Variants in FNDC1 observed in about 807,000 individuals in gnomAD.
The protein encoded by FNDC1 is fibronectin type III domain-containing protein 1.
A neutral mutation model predicts 168.0 loss-of-function variants in FNDC1; 96 were observed. The ratio of observed to expected loss-of-function variants is 0.57; its 90% CI spans 0.48 to 0.68. The LOEUF is 0.68. Ranked by LOEUF, FNDC1 falls within the 30% of genes least tolerant of loss-of-function variation. The pLI, the probability that FNDC1 is intolerant of heterozygous loss-of-function variation, is 0.00. For missense variants in FNDC1, 2,587 were observed against 2,482.1 expected, an observed-to-expected ratio of 1.04 and a Z score of -0.90; for synonymous variants, 1,099 against 1,025.9, an observed-to-expected ratio of 1.07 and a Z score of -1.36.
intron 4 of FNDC1, among the ~76,000 whole-genome samples, chr6:159,204,613 C>T (rs1222226864): frequency 3.9e-5 from 6 of 152,204 alleles, no homozygotes; most frequent in East Asian, 3.9e-4. Context: ...GTCATTTCAG[C>T]GGCCTCACTG....
intron 21 of FNDC1, among the ~76,000 whole-genome samples, chr6:159,267,438 A>G (rs1473354833): frequency 3.3e-5 from 5 of 152,142 alleles, no homozygotes; most frequent in Admixed American, 3.3e-4. Context: ...TTCTATTTGT[A>G]TAGACCTTCC....
chr6:159,172,139 T>A (rs1351617561), intron 1 of FNDC1, among the ~76,000 whole-genome samples: 2 of 152,146 alleles, frequency 1.3e-5, no homozygotes, highest in Admixed American at 1.3e-4. Context: ...TATCTTTGAG[T>A]GTATGTCTTT....
chr6:159,209,489 G>A (rs113702814), intron 4 of FNDC1, among the ~76,000 whole-genome samples: 308 of 152,340 alleles, frequency 2.0e-3, no homozygotes, highest in Non-Finnish European at 3.8e-3. Context: ...CCTTGCACCA[G>A]CATCTGACAG....
chr6:159,211,248 G>A (rs577915315), intron 4 of FNDC1, among the ~76,000 whole-genome samples: 12 of 152,268 alleles, frequency 7.9e-5, no homozygotes, highest in Non-Finnish European at 1.0e-4. Context: ...GTGTCAGATC[G>A]GTCAGTGGGA....
intron 15 of FNDC1, among the ~76,000 whole-genome samples, chr6:159,247,246 T>G (rs1049708729): frequency 6.7e-6 from 1 of 149,234 alleles, no homozygotes; most frequent in Non-Finnish European, 1.5e-5. Context: ...CCACCCTCCT[T>G]GGACCCAAGG....
At chr6:159,178,750 T>G (rs1173058443) in intron 1 of FNDC1, among the ~76,000 whole-genome samples, 2 of 151,942 alleles carry the variant, frequency 1.3e-5, no homozygotes, top group African/African-American at 4.8e-5. Context: ...GTTTTTCTTT[T>G]TTTTTTTTTG....
intron 1 of FNDC1, among the ~76,000 whole-genome samples, chr6:159,180,280 A>G (rs149778398): frequency 1.3e-3 from 204 of 152,282 alleles, no homozygotes; most frequent in African/African-American, 4.2e-3. Flanking sequence ...CTTCTCTTGT[A>G]AAGACACCGG....
At chr6:159,198,949 T>G (rs1216323650) in intron 2 of FNDC1, among the ~76,000 whole-genome samples, 1 of 152,198 alleles carries the variant, frequency 6.6e-6, no homozygotes, top group African/African-American at 2.4e-5. Context: ...GTCACACCAG[T>G]CTTGATCACA....
intron 10 of FNDC1, among the ~76,000 whole-genome samples, chr6:159,230,271 C>T (rs485557): frequency 0.38 from 58,373 of 152,042 alleles, 14,319 homozygotes; most frequent in East Asian, 0.73. Context: ...CATTATTTAA[C>T]TTTAGGCTTG....
chr6:159,208,468 T>A (rs1222956950), intron 4 of FNDC1, among the ~76,000 whole-genome samples: 1 of 152,212 alleles, frequency 6.6e-6, no homozygotes, highest in Non-Finnish European at 1.5e-5. Flanking sequence ...TTAATTCTTG[T>A]GGTCGTGGGA....
At chr6:159,206,460 C>T (rs1562636881) in intron 4 of FNDC1, among the ~76,000 whole-genome samples, 1 of 152,192 alleles carries the variant, frequency 6.6e-6, no homozygotes, top group Non-Finnish European at 1.5e-5. Context: ...GAGCCTGGGG[C>T]AATTGCACAG....
chr6:159,232,784 C>T lies in FNDC1; in HGVS notation c.2272C>T (p.Pro758Ser). The T allele has an allele frequency of 1.2e-6, 2 of 1,613,974 alleles. No individual in the cohort carries two copies. The highest frequency in any genetic ancestry group is 1.7e-6 in the Non-Finnish European group (2 of 1,179,904). Residue 758 changes from proline (P) to serine (S), a missense_variant, in exon 11 of 23, where the codon CCA (proline) becomes TCA (serine). By Grantham distance (74) the Pro-to-Ser change is moderately conservative (BLOSUM62 -1). Coordinates refer to ENST00000297267, the MANE Select transcript of FNDC1 (RefSeq NM_032532.3). The surrounding 1 kb of genome is among the most constrained non-coding windows in gnomAD (Gnocchi z 4.9). ...EDAPATNSNAPSRSTMSSSVS... is the reference protein window; with the variant it reads ...EDAPATNSNASSRSTMSSSVS... ...CGCCCCAGCCACCAACTCCAATGCG[C>T]CATCACGGTCCACCATGTCCTCCTC...
Position 159,249,022 on chromosome 6 carries a change from C to A in FNDC1, c.4691-17C>A, listed in dbSNP as rs73799727. 2 of 1,584,848 alleles carry A rather than the reference C, an allele frequency of 1.3e-6. No individual in the cohort carries two copies. Among genetic ancestry groups the A allele is most frequent in the East Asian group, 2.3e-5 (1 of 43,754 alleles). On this transcript the variant is annotated splice_polypyrimidine_tract_variant and intron_variant, in intron 15 of 22. Transcript: ENST00000297267. ...TTTCTGGCAGTGCCCAATTACAGAG[C>A]CTTCATATCATTTCAGATTATGAAT...
intron 22 of FNDC1, among the ~76,000 whole-genome samples, chr6:159,270,032 G>C (rs142834847): frequency 7.6e-4 from 116 of 152,204 alleles, no homozygotes; most frequent in African/African-American, 2.5e-3. Flanking sequence ...TCTACAAAAA[G>C]TAAAAAAATT....
Position 159,214,979 on chromosome 6 carries a change from T to C in FNDC1, c.495T>C (p.Arg165=), listed in dbSNP as rs752937625. 5.0e-6 allele frequency: 8 copies of C among 1,614,014 alleles called. No homozygotes were observed. The highest frequency in any genetic ancestry group is 5.9e-6 in the Non-Finnish European group (7 of 1,179,896). The change falls in exon 5 of 23, where the codon CGT becomes CGC. Residue 165 remains arginine, a synonymous_variant. Coordinates refer to ENST00000297267, the MANE Select transcript of FNDC1 (RefSeq NM_032532.3). ...KEVPNKPLRV[R]VRSSDDRLSV... ...TGCCCAACAAGCCCTTGCGTGTGCG[T>C]GTCCGGTCCTCAGATGACAGGCTGT... is the stretch of plus-strand genomic sequence containing the variant.
intron 5 of FNDC1, among the ~76,000 whole-genome samples, chr6:159,215,671 G>A (rs1312184454): frequency 6.6e-6 from 1 of 152,154 alleles, no homozygotes; most frequent in Non-Finnish European, 1.5e-5. Flanking sequence ...TCCCACAATA[G>A]GCCATCTGCA....
At chr6:159,227,216 C>T (rs1291192705) in intron 9 of FNDC1, among the ~76,000 whole-genome samples, 2 of 152,096 alleles carry the variant, frequency 1.3e-5, no homozygotes, top group African/African-American at 2.4e-5. Flanking sequence ...AATGTAAAAG[C>T]GTTTAAGAAC....
At chr6:159,220,027 T>C (rs1180754063) in intron 5 of FNDC1, among the ~76,000 whole-genome samples, 2 of 152,216 alleles carry the variant, frequency 1.3e-5, no homozygotes, top group Non-Finnish European at 2.9e-5. Context: ...CTCCCTTTTA[T>C]AAAACATTTT....
intron 1 of FNDC1, among the ~76,000 whole-genome samples, chr6:159,188,720 G>C (rs532084522): frequency 5.9e-5 from 9 of 151,344 alleles, no homozygotes; most frequent in East Asian, 3.9e-4. Context: ...TGGCTGTGGG[G>C]GTAGCTTCAA....
Sources: gnomAD v4.1 joint callset for allele counts (sites outside exome capture counted in the v4.1 genomes callset) on GRCh38, gnomAD v4.1.1 for gene constraint, Gnocchi (gnomAD v3.1) non-coding constraint, MANE v1.5 for transcripts, NCBI Gene and HGNC (gene_info 2026-07-23, HGNC 2026-07-21) for gene names.